DPP8: variants seen among roughly 807,000 people sequenced by gnomAD.
DPP8 encodes the protein dipeptidyl peptidase 8.
DPP8 carries 31 observed loss-of-function variants against 107.5 expected under a neutral mutation model. The observed-to-expected ratio is 0.29, with a 90% CI of 0.22 to 0.39. The LOEUF (loss-of-function observed/expected upper bound fraction) is 0.39, where lower values mean the gene tolerates loss of function less well. Ranked by LOEUF, DPP8 falls within the 10% of genes least tolerant of loss-of-function variation. The pLI is 1.00. For synonymous variants in DPP8, 381 were observed against 356.6 expected, an observed-to-expected ratio of 1.07 and a Z score of -0.77; for missense variants, 842 against 1,076.1, an observed-to-expected ratio of 0.78 and a Z score of 3.04.
intron 2 of DPP8, among the ~76,000 whole-genome samples, chr15:65,511,241 G>A (rs1295940409): frequency 6.6e-6 from 1 of 151,898 alleles, no homozygotes; most frequent in Non-Finnish European, 1.5e-5. Flanking sequence ...GTAAAATATG[G>A]CACAATTATA....
At position 65,480,523 on chromosome 15, in the gene DPP8, G is replaced by A. The variant is rs1057409071; in HGVS notation, c.1119-124C>T. 13 of 569,396 alleles carry A rather than the reference G, an allele frequency of 2.3e-5. No homozygotes were observed. In the South Asian group the frequency reaches 2.3e-4, roughly 10 times the overall value. 35.3% of individuals were successfully genotyped at this position (569,396 alleles called of 1,614,324 possible). A position where few individuals can be genotyped will look rare whatever the true frequency, so the allele number is the denominator to read the frequency against. On this transcript the variant is annotated intron_variant, in intron 9 of 19. Transcript: ENST00000300141. ...ATCACCATGAAAGAACTGCTTTAGTGTATATTAAATTATCACTTACAAATA... is the reference window on the plus strand; with the variant it reads ...ATCACCATGAAAGAACTGCTTTAGTATATATTAAATTATCACTTACAAATA...
At chr15:65,475,631 T>A in intron 11 of DPP8, 1 of 865,824 alleles carries the variant, frequency 1.2e-6, no homozygotes, top group Non-Finnish European at 1.9e-6. Context: ...GCATTTCTTC[T>A]AGAAATGCAA....
rs147974541 is a variant in DPP8 at position 65,480,364 on chromosome 15, C to T, written c.1154G>A (p.Arg385His). 103 of 1,612,776 alleles carry T rather than the reference C, an allele frequency of 6.4e-5. 1 individual carries two copies. In the African/African-American group the frequency reaches 8.0e-4, roughly 13 times the overall value. The part of the protein sequence containing the change: ...WSILLDRSQT[R>H]LQIVLISPEL... ...AGGTGAGATCAACACTATCTGTAGGCGAGTCTGGGAGCGATCTAGTAGGAT... is the reference window on the plus strand; with the variant it reads ...AGGTGAGATCAACACTATCTGTAGGTGAGTCTGGGAGCGATCTAGTAGGAT... The change falls in exon 10 of 20, where the codon CGC becomes CAC. Residue 385 changes from arginine to histidine, a missense_variant. This residue lies in a region of DPP8 where 663 missense variants were observed against 758.0 expected (regional missense o/e 0.87). Coordinates refer to ENST00000300141, the MANE Select transcript of DPP8 (RefSeq NM_130434.5).
intron 12 of DPP8, among the ~76,000 whole-genome samples, chr15:65,473,421 T>C (rs563673423): frequency 6.6e-6 from 1 of 151,670 alleles, no homozygotes; most frequent in South Asian, 2.1e-4. Flanking sequence ...CTGATAAATG[T>C]AGGGGCAAGT....
At chr15:65,466,025 A>G (rs929095598) in intron 14 of DPP8, among the ~76,000 whole-genome samples, 1 of 152,218 alleles carries the variant, frequency 6.6e-6, no homozygotes, top group Non-Finnish European at 1.5e-5. Context: ...TTCCTTGCTC[A>G]AAGAGTCTTA....
intron 15 of DPP8, among the ~76,000 whole-genome samples, chr15:65,461,176 GCT>G (rs1233479117): frequency 6.6e-6 from 1 of 152,082 alleles, no homozygotes; most frequent in Non-Finnish European, 1.5e-5. Flanking sequence ...ACAGGATCTT[GCT>G]CTGTCACCCA....
chr15:65,453,134 C>T (rs955732853), intron 17 of DPP8, among the ~76,000 whole-genome samples: 1 of 152,060 alleles, frequency 6.6e-6, no homozygotes, highest in African/African-American at 2.4e-5. Flanking sequence ...AGTTTGTTTA[C>T]AGAATTGTAA....
At chr15:65,456,197 A>G in intron 16 of DPP8, 28 bp downstream of exon 16, 3 of 1,597,796 alleles carry the variant, frequency 1.9e-6, no homozygotes, top group East Asian at 2.2e-5. Flanking sequence ...AAATGTCTGT[A>G]AAAGAAAAGT....
intron 12 of DPP8, 32 bp from the exon 13 acceptor site, chr15:65,467,255 G>C: frequency 6.2e-7 from 1 of 1,610,554 alleles, no homozygotes; most frequent in Non-Finnish European, 8.5e-7. Flanking sequence ...CAAAATCAGG[G>C]CTAACATGAC....
intron 19 of DPP8, among the ~76,000 whole-genome samples, chr15:65,447,813 G>A (rs1356954310): frequency 1.3e-5 from 2 of 152,194 alleles, no homozygotes; most frequent in Non-Finnish European, 2.9e-5. Flanking sequence ...GGGCTTTTGA[G>A]TTAGAATTTT....
At position 65,448,202 on chromosome 15, in the gene DPP8, T is replaced by C. The variant is rs77223597; in HGVS notation, c.2527-1196A>G. ...GAGTTTGAAACGAGCCCAGGAATCATAGTAAGACTCTATTTAAAAAAAATA... is the reference window on the plus strand; with the variant it reads ...GAGTTTGAAACGAGCCCAGGAATCACAGTAAGACTCTATTTAAAAAAAATA... On this transcript the variant is annotated intron_variant, in intron 19 of 19. Coordinates refer to ENST00000300141, the MANE Select transcript of DPP8 (RefSeq NM_130434.5). 3.1e-3 allele frequency among the ~76,000 whole-genome samples: 467 copies of C among 152,056 alleles called. 1 individual carries two copies. Among genetic ancestry groups the C allele is most frequent in the African/African-American group, 0.011 (450 of 41,482 alleles).
chr15:65,499,185 C>T (rs1818868868), intron 4 of DPP8, among the ~76,000 whole-genome samples: 1 of 151,094 alleles, frequency 6.6e-6, no homozygotes, highest in African/African-American at 2.4e-5. Context: ...CCAAAACCTC[C>T]CTCAGTGCTT....
intron 2 of DPP8, among the ~76,000 whole-genome samples, chr15:65,511,698 T>G (rs2070798369): frequency 6.7e-6 from 1 of 148,380 alleles, no homozygotes; most frequent in Non-Finnish European, 1.5e-5. Flanking sequence ...ATCTTTAATA[T>G]CTCCATACAC....
chr15:65,479,284 A>G (rs2140716187), intron 10 of DPP8, among the ~76,000 whole-genome samples: 1 of 152,312 alleles, frequency 6.6e-6, no homozygotes, highest in Admixed American at 6.5e-5. Context: ...AAATATGACC[A>G]AAAGTTTTTT....
At chr15:65,457,188 C>G (rs934527362) in intron 15 of DPP8, among the ~76,000 whole-genome samples, 1 of 152,136 alleles carries the variant, frequency 6.6e-6, no homozygotes, top group Non-Finnish European at 1.5e-5. Context: ...AACCCCGTCT[C>G]TACCAAAAAC....
chr15:65,480,738 C>T (rs964979737), intron 9 of DPP8, among the ~76,000 whole-genome samples: 4 of 152,108 alleles, frequency 2.6e-5, no homozygotes, highest in African/African-American at 4.8e-5. Flanking sequence ...TTCGAGCTTA[C>T]AGTAAGCTAC....
chr15:65,447,624 G>A (rs2063571583), intron 19 of DPP8, among the ~76,000 whole-genome samples: 1 of 152,200 alleles, frequency 6.6e-6, no homozygotes, highest in Non-Finnish European at 1.5e-5. Context: ...AAGTACTAGT[G>A]TGAATGAGTC....
intron 17 of DPP8, among the ~76,000 whole-genome samples, chr15:65,454,025 G>A (rs2064191879): frequency 6.6e-6 from 1 of 151,264 alleles, no homozygotes; most frequent in Non-Finnish European, 1.5e-5. Context: ...GCTGAGATAT[G>A]AGAACAGGAG....
chr15:65,493,415 A>G (rs146223924), intron 5 of DPP8, among the ~76,000 whole-genome samples: 85 of 152,298 alleles, frequency 5.6e-4, no homozygotes, highest in Non-Finnish European at 8.5e-4. Context: ...CTACCATAAT[A>G]CATTATGTAA....
Sources: gnomAD v4.1 joint callset for allele counts (sites outside exome capture counted in the v4.1 genomes callset) on GRCh38, gnomAD v4.1.1 for gene constraint, gnomAD v4.1.1 regional missense constraint, MANE v1.5 for transcripts, NCBI Gene and HGNC (gene_info 2026-07-23, HGNC 2026-07-21) for gene names.